NMNAT2: variants seen among roughly 807,000 people sequenced by gnomAD.
NMNAT2 encodes nicotinamide nucleotide adenylyltransferase 2.
Under a neutral mutation model 41.6 loss-of-function variants are expected in NMNAT2, and 11 were observed. That is an observed-to-expected ratio of 0.26 (90% confidence interval 0.17 to 0.44). The LOEUF (loss-of-function observed/expected upper bound fraction) is 0.44, where lower values mean the gene tolerates loss of function less well. Ranked by LOEUF, NMNAT2 falls within the 20% of genes least tolerant of loss-of-function variation. The pLI, the probability that NMNAT2 is intolerant of heterozygous loss-of-function variation, is 1.00. For synonymous variants in NMNAT2, 148 were observed against 151.2 expected (o/e 0.98, Z 0.16); for missense variants, 288 against 407.7 (o/e 0.71, Z 2.53).
chr1:183,323,301 A>G (rs941645930), intron 1 of NMNAT2, among the ~76,000 whole-genome samples: 7 of 152,130 alleles, frequency 4.6e-5, no homozygotes, highest in Non-Finnish European at 8.8e-5. Context: ...CAATGGTGAC[A>G]CCACCTAGAA....
intron 1 of NMNAT2, among the ~76,000 whole-genome samples, chr1:183,354,637 G>A (rs1002866977): frequency 7.2e-5 from 11 of 151,968 alleles, no homozygotes; most frequent in Non-Finnish European, 4.4e-5. Context: ...GGCTGGTCTC[G>A]AACTCCTGGG....
intron 1 of NMNAT2, among the ~76,000 whole-genome samples, chr1:183,319,411 T>C (rs946383097): frequency 1.3e-5 from 2 of 152,216 alleles, no homozygotes; most frequent in African/African-American, 4.8e-5. Flanking sequence ...AGTGAGATGA[T>C]ATATGCCACT....
chr1:183,373,711 G>A (rs2101912259), intron 1 of NMNAT2, among the ~76,000 whole-genome samples: 1 of 151,470 alleles, frequency 6.6e-6, no homozygotes, highest in Admixed American at 6.6e-5. Context: ...TCCGCCTCCT[G>A]GGTTCAAGTG....
At chr1:183,263,918 C>T (rs1191781059) in intron 8 of NMNAT2, among the ~76,000 whole-genome samples, 2 of 151,936 alleles carry the variant, frequency 1.3e-5, no homozygotes, top group Non-Finnish European at 2.9e-5. Flanking sequence ...ACAAAGTTGG[C>T]GAACCAGTGG....
At chr1:183,303,156 G>C (rs949743205) in intron 1 of NMNAT2, among the ~76,000 whole-genome samples, 2 of 152,150 alleles carry the variant, frequency 1.3e-5, no homozygotes, top group Non-Finnish European at 2.9e-5. Flanking sequence ...GAAAAGCAAT[G>C]ATATCATTTT....
intron 1 of NMNAT2, among the ~76,000 whole-genome samples, chr1:183,384,116 C>T (rs1663859360): frequency 6.6e-6 from 1 of 152,116 alleles, no homozygotes; most frequent in South Asian, 2.1e-4. Context: ...AACTTGCAAT[C>T]ATGGTGGAAG....
At chr1:183,353,148 A>T (rs1235703534) in intron 1 of NMNAT2, among the ~76,000 whole-genome samples, 1 of 152,114 alleles carries the variant, frequency 6.6e-6, no homozygotes, top group Non-Finnish European at 1.5e-5. Context: ...CTGGGATTAC[A>T]GGTGCCTGCC....
chr1:183,396,072 T>G (rs1038116425), intron 1 of NMNAT2, among the ~76,000 whole-genome samples: 6 of 152,170 alleles, frequency 3.9e-5, no homozygotes, highest in African/African-American at 1.4e-4. Flanking sequence ...CTACCACACT[T>G]GGATGCCTTG....
At chr1:183,305,532 T>C (rs1661974210) in intron 1 of NMNAT2, among the ~76,000 whole-genome samples, 1 of 152,136 alleles carries the variant, frequency 6.6e-6, no homozygotes, top group Non-Finnish European at 1.5e-5. Flanking sequence ...AATTCGAGCT[T>C]GAAATAGACT....
chr1:183,381,557 T>C (rs1200002979), intron 1 of NMNAT2, among the ~76,000 whole-genome samples: 1 of 151,868 alleles, frequency 6.6e-6, no homozygotes, highest in Non-Finnish European at 1.5e-5. Context: ...ATTAGCTGGG[T>C]GTGGTGGTGT....
rs563508860 is a variant in NMNAT2 at position 183,399,761 on chromosome 1, C to G, written c.85+18422G>C. Among the ~76,000 whole-genome samples the G allele has an allele frequency of 1.3e-5, 2 of 152,124 alleles. 1 individual carries two copies. The highest frequency in any genetic ancestry group is 3.8e-4 in the East Asian group (2 of 5,196). ...TGGGATGCAAGGCTGGCTCAACATA[C>G]GCAAATCAATAAATGTAATTCATCA... On this transcript the variant is annotated intron_variant, in intron 1 of 10. Coordinates refer to ENST00000287713, the MANE Select transcript of NMNAT2 (RefSeq NM_015039.4).
chr1:183,379,078 A>ATATCTT, intron 1 of NMNAT2, among the ~76,000 whole-genome samples: 1 of 76,172 alleles, frequency 1.3e-5, no homozygotes, highest in Non-Finnish European at 2.9e-5. Context: ...ATCTATATCT[A>ATATCTT]TATCTATATC....
intron 1 of NMNAT2, among the ~76,000 whole-genome samples, chr1:183,393,294 C>A (rs567627493): frequency 9.9e-5 from 15 of 152,244 alleles, no homozygotes; most frequent in African/African-American, 3.6e-4. Flanking sequence ...CTCAGGACAA[C>A]CCTGTGAGTT....
intron 8 of NMNAT2, among the ~76,000 whole-genome samples, chr1:183,277,068 CTG>C (rs753975902): frequency 5.9e-5 from 9 of 152,138 alleles, no homozygotes; most frequent in Non-Finnish European, 1.3e-4. Flanking sequence ...CTGAGCGTGA[CTG>C]TATGTCAGGT....
rs200643389 is a variant in NMNAT2, at chr1:183,249,445, C to T, written c.*3196G>A. 6.6e-6 allele frequency: 1 copy of T among 152,150 alleles called. No individual in the cohort carries two copies. Among genetic ancestry groups the T allele is most frequent in the African/African-American group, 2.4e-5 (1 of 41,428 alleles). 9.4% of individuals were successfully genotyped at this position (152,150 alleles called of 1,614,324 possible). ...CCAGACCCCTCTGGACATGATTGTT[C>T]CAGTCCATGCCTTTCTCACAACCTC... is the stretch of plus-strand genomic sequence containing the variant. On this transcript the variant is annotated 3_prime_UTR_variant, in exon 11 of 11. Transcript: ENST00000287713.
At chr1:183,364,178 G>A (rs1015788694) in intron 1 of NMNAT2, among the ~76,000 whole-genome samples, 1 of 152,214 alleles carries the variant, frequency 6.6e-6, no homozygotes, top group Non-Finnish European at 1.5e-5. Context: ...GCAAGACCTT[G>A]TGCTATGTAC....
At position 183,252,493 on chromosome 1, in the gene NMNAT2, C is replaced by T. The variant is rs1660415280; in HGVS notation, c.*148G>A. The T allele has an allele frequency of 5.9e-6, 3 of 510,726 alleles. No homozygotes were observed. 31.6% of individuals were successfully genotyped at this position (510,726 alleles called of 1,614,324 possible). The stretch of plus-strand genomic sequence containing the variant: ...CTGTGGAATAGGGAATGCCATGGTT[C>T]TCTGCAGGTCCCCCACACTATGGGG... On this transcript the variant is annotated 3_prime_UTR_variant, in exon 11 of 11. Coordinates refer to ENST00000287713, the MANE Select transcript of NMNAT2 (RefSeq NM_015039.4).
intron 1 of NMNAT2, among the ~76,000 whole-genome samples, chr1:183,399,463 T>A (rs972804278): frequency 6.6e-6 from 1 of 152,100 alleles, no homozygotes; most frequent in African/African-American, 2.4e-5. Context: ...AGGATTCACA[T>A]CTGAATTCTA....
chr1:183,311,799 A>G (rs1662128069), intron 1 of NMNAT2, among the ~76,000 whole-genome samples: 1 of 151,608 alleles, frequency 6.6e-6, no homozygotes, highest in Non-Finnish European at 1.5e-5. Context: ...AAACCATGTG[A>G]CATGGCTTGG....
Sources: gnomAD v4.1 joint callset for allele counts (sites outside exome capture counted in the v4.1 genomes callset) on GRCh38, gnomAD v4.1.1 for gene constraint, MANE v1.5 for transcripts, NCBI Gene and HGNC (gene_info 2026-07-23, HGNC 2026-07-21) for gene names.